DPP6: variants seen among roughly 807,000 people sequenced by gnomAD.
DPP6 encodes the protein A-type potassium channel modulatory protein DPP6.
A neutral mutation model predicts 122.6 loss-of-function variants in DPP6; 69 were observed. The observed-to-expected ratio is 0.56, with a 90% CI of 0.46 to 0.69. DPP6 has a LOEUF of 0.69. Among genes scored for constraint, DPP6 ranks in the 30% least tolerant of loss-of-function variants. The pLI is 0.00. For synonymous variants in DPP6, 418 were observed against 433.1 expected (o/e 0.97, Z 0.43); for missense variants, 928 against 1,116.9 (o/e 0.83, Z 2.41).
intron 1 of DPP6, among the ~76,000 whole-genome samples, chr7:154,279,381 T>G (rs1804357113): frequency 6.6e-6 from 1 of 152,154 alleles, no homozygotes; most frequent in African/African-American, 2.4e-5. Context: ...TTGATTTTCT[T>G]ATTGGTCCAA....
chr7:154,231,802 C>T (rs1461325533), intron 1 of DPP6, among the ~76,000 whole-genome samples: 1 of 152,346 alleles, frequency 6.6e-6, no homozygotes, highest in East Asian at 1.9e-4. Flanking sequence ...CCACTGCGGG[C>T]TTCCCCCACG....
intron 1 of DPP6, among the ~76,000 whole-genome samples, chr7:154,345,707 G>A (rs1810338748): frequency 6.6e-6 from 1 of 152,096 alleles, no homozygotes; most frequent in Admixed American, 6.5e-5. Context: ...CCCATTCTGT[G>A]TGGACTCTGC....
the DPP6 span, among the ~76,000 whole-genome samples, chr7:153,771,527 A>G: frequency 6.6e-6 from 1 of 152,100 alleles, no homozygotes; most frequent in Non-Finnish European, 1.5e-5. Context: ...TTTAGTAGAG[A>G]CAAGGTTTCA....
chr7:154,885,844 G>A (rs1584989516), intron 22 of DPP6, 100 bp downstream of exon 22: 32 of 1,466,070 alleles, frequency 2.2e-5, no homozygotes, highest in East Asian at 5.1e-5. Flanking sequence ...CCACCGTCCC[G>A]CTAACCACAG....
intron 1 of DPP6, among the ~76,000 whole-genome samples, chr7:154,190,336 G>T (rs1452066443): frequency 6.6e-6 from 1 of 152,010 alleles, no homozygotes; most frequent in Non-Finnish European, 1.5e-5. Flanking sequence ...AGAATACCCA[G>T]GGGAGGAAAA....
At chr7:153,986,026 A>G (rs1563075994) in intron 1 of DPP6, among the ~76,000 whole-genome samples, 1 of 152,194 alleles carries the variant, frequency 6.6e-6, no homozygotes, top group Non-Finnish European at 1.5e-5. Context: ...AGAGAAAGGG[A>G]GAAAAAATGT....
At chr7:153,828,666 A>G in the DPP6 span, among the ~76,000 whole-genome samples, 1 of 152,168 alleles carries the variant, frequency 6.6e-6, no homozygotes, top group Non-Finnish European at 1.5e-5. Flanking sequence ...TGCGTGGGGA[A>G]TTTTGGGATG....
intron 8 of DPP6, among the ~76,000 whole-genome samples, chr7:154,750,706 CAAGCG>C (rs1843336768): frequency 6.6e-6 from 1 of 152,192 alleles, no homozygotes; most frequent in Non-Finnish European, 1.5e-5. Context: ...CACGGAGAGA[CAAGCG>C]TGCCGTGTGG....
chr7:154,691,973 G>A (rs887211348), intron 7 of DPP6, among the ~76,000 whole-genome samples: 2 of 108,876 alleles, frequency 1.8e-5, no homozygotes, highest in Non-Finnish European at 3.9e-5. Flanking sequence ...AACAACACAC[G>A]TTGGGTGGAA....
At chr7:153,764,323 A>G in the DPP6 span, among the ~76,000 whole-genome samples, 2 of 149,558 alleles carry the variant, frequency 1.3e-5, no homozygotes. Context: ...TGCACTCGCT[A>G]GTCCTCCCTG....
chr7:154,147,610 G>T (rs1467533303), intron 1 of DPP6, among the ~76,000 whole-genome samples: 8 of 151,836 alleles, frequency 5.3e-5, no homozygotes, highest in African/African-American at 1.9e-4. Flanking sequence ...CTCCTGAGTA[G>T]CTGGGATTAC....
chr7:154,373,031 G>A (rs541563749), intron 1 of DPP6, among the ~76,000 whole-genome samples: 19 of 152,176 alleles, frequency 1.2e-4, no homozygotes, highest in East Asian at 9.7e-4. Flanking sequence ...AGTGCCTCTC[G>A]GCATCTCCTT....
rs182833002 is a variant in DPP6 at position 154,121,220 on chromosome 7, G to A, written c.243+68157G>A. On this transcript the variant is annotated intron_variant, in intron 1 of 25. Coordinates refer to ENST00000377770, the MANE Select transcript of DPP6 (RefSeq NM_130797.4). Reference sequence around the variant, plus strand: ...ATTTCTTCATAGCAGCATGAGAACGGACTAATCCGGTAATATTCTCCACTG... The same window carrying A: ...ATTTCTTCATAGCAGCATGAGAACGAACTAATCCGGTAATATTCTCCACTG... Among the ~76,000 whole-genome samples, 683 of 152,272 alleles carry A rather than the reference G, an allele frequency of 4.5e-3. 1 individual carries two copies. The highest frequency in any genetic ancestry group is 0.016 in the African/African-American group (657 of 41,552).
At chr7:153,926,377 G>C (rs1800901352) in intron 1 of DPP6, among the ~76,000 whole-genome samples, 1 of 152,204 alleles carries the variant, frequency 6.6e-6, no homozygotes, top group African/African-American at 2.4e-5. Context: ...ACTCCTAAGA[G>C]AATTGCTGTA....
At chr7:154,621,374 C>A (rs1024628335) in intron 5 of DPP6, among the ~76,000 whole-genome samples, 1 of 152,042 alleles carries the variant, frequency 6.6e-6, no homozygotes, top group African/African-American at 2.4e-5. Flanking sequence ...TGTTTATTTA[C>A]TTATTTATTT....
intron 16 of DPP6, among the ~76,000 whole-genome samples, chr7:154,817,835 G>A (rs1799518807): frequency 3.8e-5 from 1 of 26,096 alleles, no homozygotes; most frequent in Non-Finnish European, 2.6e-4. Flanking sequence ...ATTGATGGGT[G>A]ATGTCATGAA....
intron 7 of DPP6, among the ~76,000 whole-genome samples, chr7:154,670,579 G>A (rs565777183): frequency 1.3e-4 from 20 of 152,278 alleles, no homozygotes; most frequent in Admixed American, 3.9e-4. Flanking sequence ...GTATTGCCAC[G>A]TGCAGAAAGT....
intron 1 of DPP6, among the ~76,000 whole-genome samples, chr7:153,916,601 G>T (rs1800338885): frequency 6.6e-6 from 1 of 151,324 alleles, no homozygotes; most frequent in South Asian, 2.1e-4. Flanking sequence ...TAGAAACGGG[G>T]TTTCACTGTG....
chr7:154,288,339 GGA>G (rs1332830571), intron 1 of DPP6, among the ~76,000 whole-genome samples: 1 of 152,174 alleles, frequency 6.6e-6, no homozygotes, highest in Admixed American at 6.5e-5. Context: ...AATATATGTG[GGA>G]GAGACAGAGT....
Sources: gnomAD v4.1 joint callset for allele counts (sites outside exome capture counted in the v4.1 genomes callset) on GRCh38, gnomAD v4.1.1 for gene constraint, MANE v1.5 for transcripts, NCBI Gene and HGNC (gene_info 2026-07-23, HGNC 2026-07-21) for gene names.